SLCO5A1: variants seen among roughly 807,000 people sequenced by gnomAD.
SLCO5A1 encodes organic anion transporter polypeptide-related protein 4.
Under a neutral mutation model 65.1 loss-of-function variants are expected in SLCO5A1, and 39 were observed. That is an observed-to-expected ratio of 0.60 (90% CI 0.46 to 0.78). The LOEUF is 0.78. Ranked by LOEUF, SLCO5A1 falls within the 30% of genes least tolerant of loss-of-function variation. SLCO5A1 has a pLI of 0.00. For synonymous variants in SLCO5A1, 438 were observed against 415.7 expected (o/e 1.05, Z -0.65); for missense variants, 1,029 against 1,069.4 (o/e 0.96, Z 0.53).
chr8:69,709,638 C>T (rs1194016398), intron 5 of SLCO5A1, among the ~76,000 whole-genome samples: 2 of 152,060 alleles, frequency 1.3e-5, no homozygotes, highest in African/African-American at 2.4e-5. Context: ...GTTTTTCCTC[C>T]GAGAATTCAT....
chr8:69,688,786 C>A (rs200445046), intron 6 of SLCO5A1, among the ~76,000 whole-genome samples: 1 of 152,008 alleles, frequency 6.6e-6, no homozygotes, highest in South Asian at 2.1e-4. Context: ...TGAATAGTCC[C>A]GCAATAAACA....
At chr8:69,707,063 G>C (rs34431060) in intron 5 of SLCO5A1, among the ~76,000 whole-genome samples, 1 of 151,958 alleles carries the variant, frequency 6.6e-6, no homozygotes, top group Non-Finnish European at 1.5e-5. Flanking sequence ...CAGGAGAATC[G>C]CTTGATTGAA....
chr8:69,751,500 A>G (rs1211962168), intron 4 of SLCO5A1, among the ~76,000 whole-genome samples: 2 of 151,966 alleles, frequency 1.3e-5, no homozygotes, highest in Admixed American at 6.6e-5. Context: ...ATTCTCTACA[A>G]TAGAACTTCC....
chr8:69,700,012 C>A (rs1008642373), intron 6 of SLCO5A1, among the ~76,000 whole-genome samples: 1 of 152,200 alleles, frequency 6.6e-6, no homozygotes, highest in African/African-American at 2.4e-5. Context: ...GGGAGGATCA[C>A]TTCAGACCAG....
rs971698017 is a variant in SLCO5A1, at chr8:69,689,436, T to C, written c.1623-7093A>G. Among the ~76,000 whole-genome samples the C allele has an allele frequency of 2.6e-4, 32 of 122,742 alleles. 1 individual carries two copies. The South Asian group carries it at 5.8e-3, about 22-fold the overall frequency. The allele number at this position is 122,742 out of a possible 152,430, so 80.5% of individuals were successfully genotyped here. Reference sequence around the variant, plus strand: ...CCCATGGCTATGTCCTGAATGGTAATGCCTAGGTTTTCTTCTAGGGTTTTT... The same window carrying C: ...CCCATGGCTATGTCCTGAATGGTAACGCCTAGGTTTTCTTCTAGGGTTTTT... On this transcript the variant is annotated intron_variant, in intron 6 of 9. Coordinates refer to ENST00000260126, the MANE Select transcript of SLCO5A1 (RefSeq NM_030958.3).
chr8:69,728,743 CA>C (rs1816205513), intron 5 of SLCO5A1, among the ~76,000 whole-genome samples: 1 of 151,806 alleles, frequency 6.6e-6, no homozygotes, highest in African/African-American at 2.4e-5. Context: ...ATGTTAAAGT[CA>C]TTAGAAAAAA....
intron 2 of SLCO5A1, among the ~76,000 whole-genome samples, chr8:69,769,197 C>T (rs1364138336): frequency 6.6e-6 from 1 of 152,228 alleles, no homozygotes; most frequent in Non-Finnish European, 1.5e-5. Context: ...CCCACACAGG[C>T]CACAGGAATG....
intron 2 of SLCO5A1, among the ~76,000 whole-genome samples, chr8:69,771,146 G>A (rs992908465): frequency 2.6e-5 from 4 of 151,786 alleles, no homozygotes; most frequent in African/African-American, 7.3e-5. Flanking sequence ...CACCACGCCC[G>A]GCTAATTTTG....
chr8:69,755,322 T>C (rs1817491079), intron 4 of SLCO5A1, 102 bp downstream of exon 4: 1 of 878,930 alleles, frequency 1.1e-6, no homozygotes, highest in Admixed American at 2.7e-5. Flanking sequence ...TTAGTACTTA[T>C]CTGGCCACAG....
chr8:69,788,743 G>A (rs1819141907), intron 2 of SLCO5A1, among the ~76,000 whole-genome samples: 1 of 152,018 alleles, frequency 6.6e-6, no homozygotes, highest in Admixed American at 6.6e-5. Context: ...ACAATATAAT[G>A]CATTAGCATT....
intron 2 of SLCO5A1, among the ~76,000 whole-genome samples, chr8:69,796,080 C>A (rs1428259898): frequency 6.6e-6 from 1 of 152,226 alleles, no homozygotes; most frequent in African/African-American, 2.4e-5. Flanking sequence ...CATGAAATCA[C>A]TCTTCCCTTC....
chr8:69,753,386 T>C (rs113299388), intron 4 of SLCO5A1, among the ~76,000 whole-genome samples: 1 of 152,284 alleles, frequency 6.6e-6, no homozygotes, highest in African/African-American at 2.4e-5. Flanking sequence ...CCAAGCAGTT[T>C]TCTCAGCCCA....
intron 2 of SLCO5A1, among the ~76,000 whole-genome samples, chr8:69,772,447 C>A (rs930431401): frequency 6.6e-6 from 1 of 150,642 alleles, no homozygotes; most frequent in African/African-American, 2.4e-5. Flanking sequence ...CCCTCCAGCC[C>A]GTGGGGTGAT....
intron 8 of SLCO5A1, 148 bp from the exon 9 acceptor site, chr8:69,676,821 C>G (rs1156327714): frequency 1.2e-5 from 7 of 575,376 alleles, no homozygotes; most frequent in Non-Finnish European, 2.1e-5. Context: ...AATAGCCACA[C>G]AAGATTGCTG....
At chr8:69,794,773 TAA>T (rs777796112) in intron 2 of SLCO5A1, 10 of 182,154 alleles carry the variant, frequency 5.5e-5, no homozygotes, top group Non-Finnish European at 1.1e-4. Context: ...GGGTAATTTA[TAA>T]AGAGAAGAGG....
intron 5 of SLCO5A1, among the ~76,000 whole-genome samples, chr8:69,735,826 T>C (rs911468078): frequency 7.2e-5 from 11 of 152,172 alleles, no homozygotes; most frequent in African/African-American, 2.7e-4. Context: ...GAACTTAAAA[T>C]TTTTTAAAAA....
chr8:69,749,022 G>A (rs1419004813), intron 4 of SLCO5A1, among the ~76,000 whole-genome samples: 3 of 152,192 alleles, frequency 2.0e-5, no homozygotes, highest in Admixed American at 1.3e-4. Context: ...AAATTAAAGT[G>A]CTATTTAGCA....
At chr8:69,746,786 T>C (rs975100248) in intron 4 of SLCO5A1, among the ~76,000 whole-genome samples, 1 of 152,204 alleles carries the variant, frequency 6.6e-6, no homozygotes, top group African/African-American at 2.4e-5. Flanking sequence ...TTTATAATGC[T>C]TTGACTTCTT....
intron 5 of SLCO5A1, among the ~76,000 whole-genome samples, chr8:69,733,534 G>A (rs2380599): frequency 0.014 from 2,060 of 152,276 alleles, 41 homozygotes; most frequent in African/African-American, 0.047. Flanking sequence ...GATACGGTTT[G>A]GCCCTGTGTC....
Sources: gnomAD v4.1 joint callset for allele counts (sites outside exome capture counted in the v4.1 genomes callset) on GRCh38, gnomAD v4.1.1 for gene constraint, MANE v1.5 for transcripts, NCBI Gene and HGNC (gene_info 2026-07-23, HGNC 2026-07-21) for gene names.